The following MAGI1 variants were observed in gnomAD, a reference collection of about 807,000 sequenced individuals.
MAGI1 encodes the protein membrane associated guanylate kinase, WW and PDZ domain containing 1, also known as membrane-associated guanylate kinase, WW and PDZ domain-containing protein 1.
In MAGI1, 58 loss-of-function variants were observed where a neutral mutation model predicts 139.9. That is an observed-to-expected ratio of 0.41 (90% CI 0.34 to 0.52). MAGI1 has a LOEUF of 0.52. Ranked by LOEUF, MAGI1 falls within the 20% of genes least tolerant of loss-of-function variation. MAGI1 has a pLI of 0.12. For synonymous variants in MAGI1, 812 were observed against 737.9 expected (o/e 1.10, Z -1.63); for missense variants, 1,874 against 1,901.6 (o/e 0.99, Z 0.27).
intron 1 of MAGI1, among the ~76,000 whole-genome samples, chr3:66,034,001 C>A (rs2068779556): frequency 6.6e-6 from 1 of 152,150 alleles, no homozygotes; most frequent in African/African-American, 2.4e-5. Context: ...TATTCTAGAA[C>A]CCAGGTCACC....
In MAGI1 at chr3:65,822,460, G is replaced by A. The variant is rs146644202; in HGVS notation, c.314-200372C>T. Among the ~76,000 whole-genome samples, 632 of 152,174 alleles carry A rather than the reference G, an allele frequency of 4.2e-3. 2 individuals carry two copies. Among genetic ancestry groups the A allele is most frequent in the Non-Finnish European group, 5.5e-3 (375 of 68,004 alleles). ...GAAAAATCACTTGAACCCAGGAGGC[G>A]GAGGTCGCAGTGAGTTGAGATGGCA... On this transcript the variant is annotated intron_variant, in intron 1 of 22. Coordinates refer to ENST00000402939, the MANE Select transcript of MAGI1 (RefSeq NM_001033057.2).
At chr3:65,779,656 T>C (rs1045602421) in intron 1 of MAGI1, among the ~76,000 whole-genome samples, 5 of 152,348 alleles carry the variant, frequency 3.3e-5, no homozygotes, top group African/African-American at 1.2e-4. Flanking sequence ...TAAGTCTACT[T>C]AGATGAAAAG....
chr3:65,574,835 A>T (rs1259463284), intron 2 of MAGI1, among the ~76,000 whole-genome samples: 1 of 152,096 alleles, frequency 6.6e-6, no homozygotes, highest in East Asian at 1.9e-4. Context: ...ACCAACAAAG[A>T]TGCAAAGACA....
chr3:65,948,645 GAGA>G (rs1329002591), intron 1 of MAGI1, among the ~76,000 whole-genome samples: 26 of 152,314 alleles, frequency 1.7e-4, no homozygotes, highest in South Asian at 8.3e-4. Context: ...TTCTTTAAAA[GAGA>G]AGGACACAAT....
chr3:65,630,489 G>A (rs927504793), intron 1 of MAGI1, among the ~76,000 whole-genome samples: 8 of 151,984 alleles, frequency 5.3e-5, no homozygotes, highest in Admixed American at 5.2e-4. Flanking sequence ...AAGCACTAGT[G>A]GATAATGAAA....
At chr3:65,379,163 T>A (rs771338265) in intron 17 of MAGI1, 98 bp downstream of exon 17, 1 of 1,584,174 alleles carries the variant, frequency 6.3e-7, no homozygotes, top group East Asian at 2.3e-5. Context: ...CTATAAAGCA[T>A]TTCTGCACGT....
Position 65,728,727 on chromosome 3 carries a change from T to A in MAGI1, c.314-106639A>T, listed in dbSNP as rs547940607. Among the ~76,000 whole-genome samples the A allele has an allele frequency of 1.5e-4, 23 of 152,304 alleles. No individual in the cohort carries two copies. The East Asian group carries it at 3.1e-3, about 20-fold the overall frequency. On this transcript the variant is annotated intron_variant, in intron 1 of 22. Coordinates refer to ENST00000402939, the MANE Select transcript of MAGI1 (RefSeq NM_001033057.2). ...GATGCAAAGAAAAAACCGTATTTTT[T>A]AAAAAATTATTTTGTCTAGGACACC... is the stretch of plus-strand genomic sequence containing the variant.
intron 1 of MAGI1, among the ~76,000 whole-genome samples, chr3:65,678,607 C>A (rs1184745735): frequency 1.3e-5 from 2 of 152,166 alleles, no homozygotes; most frequent in African/African-American, 2.4e-5. Context: ...CCATGCCACA[C>A]TCCTGGAAGC....
intron 1 of MAGI1, among the ~76,000 whole-genome samples, chr3:65,964,981 G>C (rs539463051): frequency 1.6e-4 from 24 of 152,288 alleles, no homozygotes; most frequent in African/African-American, 5.8e-4. Flanking sequence ...ATGATGCCAA[G>C]GACTCTTTCA....
At chr3:65,743,497 C>G (rs1476960224) in intron 1 of MAGI1, among the ~76,000 whole-genome samples, 2 of 151,954 alleles carry the variant, frequency 1.3e-5, no homozygotes, top group African/African-American at 4.8e-5. Context: ...CACCTGAGGT[C>G]AGTAGTTCGA....
At chr3:65,998,755 A>G (rs1487689040) in intron 1 of MAGI1, among the ~76,000 whole-genome samples, 4 of 152,036 alleles carry the variant, frequency 2.6e-5, no homozygotes, top group Non-Finnish European at 5.9e-5. Flanking sequence ...TCAAGCCCAT[A>G]AGATACCAAT....
intron 1 of MAGI1, chr3:65,954,681 A>C (rs1348573223): frequency 6.6e-6 from 1 of 152,208 alleles, no homozygotes; most frequent in Non-Finnish European, 1.5e-5. Context: ...TGGACTACAC[A>C]GCCTCGCACT....
Position 66,038,756 on chromosome 3 carries a change from C to G in MAGI1, c.-448G>C. Reference sequence around the variant, plus strand: ...TGAGGGAAGCCCTTCCAGCCAGTTGCCGGGAGCCCTGAAGACGCGGTGGCG... The same window carrying G: ...TGAGGGAAGCCCTTCCAGCCAGTTGGCGGGAGCCCTGAAGACGCGGTGGCG... On this transcript the variant is annotated 5_prime_UTR_variant, in exon 1 of 23. Transcript: ENST00000402939. 1 of 160,572 alleles carries G rather than the reference C, an allele frequency of 6.2e-6. No homozygotes were observed. Among genetic ancestry groups the G allele is most frequent in the Non-Finnish European group, 1.4e-5 (1 of 73,842 alleles). 9.9% of individuals were successfully genotyped at this position (160,572 alleles called of 1,614,324 possible). A position where few individuals can be genotyped will look rare whatever the true frequency, so the allele number is the denominator to read the frequency against.
intron 1 of MAGI1, among the ~76,000 whole-genome samples, chr3:65,896,917 T>C (rs1184574719): frequency 6.6e-6 from 1 of 152,132 alleles, no homozygotes; most frequent in Non-Finnish European, 1.5e-5. Context: ...ACTAGAATAA[T>C]ACAATTGCCC....
intron 1 of MAGI1, among the ~76,000 whole-genome samples, chr3:65,628,396 C>T (rs2084099609): frequency 1.3e-5 from 2 of 152,064 alleles, no homozygotes; most frequent in East Asian, 1.9e-4. Flanking sequence ...TCTCACAGAA[C>T]AAAGTCCAGA....
chr3:66,028,370 C>G (rs1189931958), intron 1 of MAGI1, among the ~76,000 whole-genome samples: 1 of 152,144 alleles, frequency 6.6e-6, no homozygotes, highest in Non-Finnish European at 1.5e-5. Flanking sequence ...ATCCTTACAA[C>G]CACTTTATGA....
chr3:65,471,385 G>A (rs1258695154), intron 4 of MAGI1, among the ~76,000 whole-genome samples: 3 of 152,192 alleles, frequency 2.0e-5, no homozygotes, highest in East Asian at 1.9e-4. Flanking sequence ...TAATTCTGTA[G>A]ACATTTCTGA....
chr3:65,871,226 C>A (rs2059928515), intron 1 of MAGI1, among the ~76,000 whole-genome samples: 2 of 152,112 alleles, frequency 1.3e-5, no homozygotes, highest in African/African-American at 4.8e-5. Flanking sequence ...CATGAGCCCC[C>A]ATGCCCAGCC....
chr3:65,601,764 A>C (rs1232912110), intron 2 of MAGI1, among the ~76,000 whole-genome samples: 1 of 152,120 alleles, frequency 6.6e-6, no homozygotes, highest in Non-Finnish European at 1.5e-5. Flanking sequence ...ATTAGAGTGT[A>C]TTAAAATTTA....
Sources: allele counts gnomAD v4.1 joint callset (sites outside exome capture counted in the v4.1 genomes callset), GRCh38; gene constraint gnomAD v4.1.1; transcripts MANE v1.5; gene names NCBI Gene and HGNC (gene_info 2026-07-23, HGNC 2026-07-21).